Variants in KLHDC1 observed in about 807,000 individuals in gnomAD.
KLHDC1 encodes kelch domain-containing protein 1.
KLHDC1 carries 53 observed loss-of-function variants against 68.3 expected under a neutral mutation model. The observed-to-expected ratio is 0.78, with a 90% CI of 0.62 to 0.98. The LOEUF (loss-of-function observed/expected upper bound fraction) is 0.98. Ranked by LOEUF, KLHDC1 falls within the 50% of genes least tolerant of loss-of-function variation. The pLI is 0.00. For missense variants in KLHDC1, 470 were observed against 492.3 expected (o/e 0.95, Z 0.43); for synonymous variants, 148 against 159.0 (o/e 0.93, Z 0.52).
rs1204287500 is a variant in KLHDC1 at position 49,709,779 on chromosome 14, A to G, written c.238A>G (p.Lys80Glu). The G allele has an allele frequency of 6.2e-7, 1 of 1,604,686 alleles. No individual in the cohort carries two copies. The highest frequency in any genetic ancestry group is 1.7e-5 in the Admixed American group (1 of 58,274). ...SGSCGACING[K>E]LYIFGGYDDK... ...AAGCTGTGGTGCTTGCATTAATGGA[A>G]AGCTGTACATTTTTGGAGGATATGA... The change falls in exon 3 of 13, where the codon AAG (lysine) becomes GAG (glutamate). Residue 80 changes from lysine to glutamate, a missense_variant. Coordinates refer to ENST00000359332, the MANE Select transcript of KLHDC1 (RefSeq NM_172193.3).
intron 1 of KLHDC1, among the ~76,000 whole-genome samples, chr14:49,703,430 C>T (rs1215295440): frequency 3.9e-5 from 6 of 151,972 alleles, no homozygotes; most frequent in African/African-American, 9.7e-5. Flanking sequence ...GCAACCTCCG[C>T]CTCCTGGGTT....
chr14:49,737,700 G>GA (rs767783648), intron 10 of KLHDC1, among the ~76,000 whole-genome samples: 525 of 132,360 alleles, frequency 4.0e-3, no homozygotes, highest in Middle Eastern at 0.011. Flanking sequence ...CCCCATCTCT[G>GA]AAAAAAAAAA....
chr14:49,732,702 A>T lies in KLHDC1; in HGVS notation c.711-2A>T, dbSNP rs1159436006. 6.9e-7 allele frequency: 1 copy of T among 1,446,176 alleles called. No individual in the cohort carries two copies. Among genetic ancestry groups the T allele is most frequent in the East Asian group, 2.3e-5 (1 of 44,078 alleles). 89.6% of individuals were successfully genotyped at this position (1,446,176 alleles called of 1,614,324 possible). The stretch of plus-strand genomic sequence containing the variant: ...TAGACTTTCTTTTTCTCCTTGCCAC[A>T]GGATTACTATTAATGGAGAAAGCCC... On this transcript the variant is annotated splice_acceptor_variant, in intron 8 of 12. Coordinates refer to ENST00000359332, the MANE Select transcript of KLHDC1 (RefSeq NM_172193.3). LOFTEE classifies it high-confidence loss of function.
At position 49,743,759 on chromosome 14, in the gene KLHDC1, T is replaced by C; in HGVS notation, c.988T>C (p.Cys330Arg). 1 of 1,590,430 alleles carries C rather than the reference T, an allele frequency of 6.3e-7. No homozygotes were observed. Among genetic ancestry groups the C allele is most frequent in the Non-Finnish European group, 8.6e-7 (1 of 1,162,184 alleles). The change falls in exon 12 of 13, where the codon TGT becomes CGT. Residue 330 changes from cysteine (C) to arginine (R), a missense_variant. By Grantham distance (180) the Cys-to-Arg change is radical (BLOSUM62 -3). Coordinates refer to ENST00000359332, the MANE Select transcript of KLHDC1 (RefSeq NM_172193.3). ...DDLLALDTGH[C>R]NDLLIFQTQP... ...CCTTTTTTGTGTTGATTAGGGTCAC[T>C]GTAATGATTTATTGATCTTTCAAAC...
At chr14:49,706,595 C>T (rs1218153195) in intron 1 of KLHDC1, among the ~76,000 whole-genome samples, 1 of 152,206 alleles carries the variant, frequency 6.6e-6, no homozygotes, top group Non-Finnish European at 1.5e-5. Context: ...TACATTCCCA[C>T]CAACAGTGTA....
At position 49,735,085 on chromosome 14, in the gene KLHDC1, A is replaced by G. The variant is rs540522326; in HGVS notation, c.896+424A>G. 1.6e-4 allele frequency among the ~76,000 whole-genome samples: 25 copies of G among 152,202 alleles called. No homozygotes were observed. In the South Asian group the frequency reaches 3.5e-3, roughly 21 times the overall value. ...GGAAATTTGCTTCCATGTTGATCCAATGGATGGCAGGTTATTATTAATCTC... is the reference window on the plus strand; with the variant it reads ...GGAAATTTGCTTCCATGTTGATCCAGTGGATGGCAGGTTATTATTAATCTC... On this transcript the variant is annotated intron_variant, in intron 10 of 12. Coordinates refer to ENST00000359332, the MANE Select transcript of KLHDC1 (RefSeq NM_172193.3).
chr14:49,744,928 G>A, intron 12 of KLHDC1, among the ~76,000 whole-genome samples: 1 of 152,142 alleles, frequency 6.6e-6, no homozygotes, highest in Non-Finnish European at 1.5e-5. Context: ...GACTTGTAGT[G>A]TCTTAGTTCA....
At chr14:49,696,942 T>C (rs889009264) in intron 1 of KLHDC1, among the ~76,000 whole-genome samples, 3 of 151,790 alleles carry the variant, frequency 2.0e-5, no homozygotes, top group South Asian at 4.2e-4. Context: ...TACTTTCTTT[T>C]TTTTTTTTTT....
chr14:49,709,682 T>G, intron 2 of KLHDC1, 27 bp from the exon 3 acceptor site: 1 of 1,323,210 alleles, frequency 7.6e-7, no homozygotes, highest in Non-Finnish European at 1.1e-6. Flanking sequence ...TGGAAAGTTA[T>G]GGGATTCCAT....
At chr14:49,695,120 G>GTGTGTGTGTC (rs1486205866) in intron 1 of KLHDC1, among the ~76,000 whole-genome samples, 2 of 148,998 alleles carry the variant, frequency 1.3e-5, no homozygotes, top group Non-Finnish European at 3.0e-5. Context: ...GTTTTGATGT[G>GTGTGTGTGTC]TGTGTGTGTG....
chr14:49,713,948 G>C (rs1387225792), intron 4 of KLHDC1, among the ~76,000 whole-genome samples: 4 of 145,442 alleles, frequency 2.8e-5, no homozygotes, highest in Non-Finnish European at 4.5e-5. Flanking sequence ...CGCTTCCTGG[G>C]TTCAAACAAT....
chr14:49,734,720 T>C (rs1047840304), intron 10 of KLHDC1, 59 bp downstream of exon 10: 2 of 892,754 alleles, frequency 2.2e-6, no homozygotes, highest in Non-Finnish European at 1.7e-6. Context: ...TATTAAAATA[T>C]AGTACTGAAT....
At chr14:49,721,739 C>T (rs951878558) in intron 4 of KLHDC1, among the ~76,000 whole-genome samples, 2 of 152,078 alleles carry the variant, frequency 1.3e-5, no homozygotes, top group African/African-American at 4.8e-5. Context: ...CAGCTGCGTT[C>T]CTACCTCTCA....
At position 49,693,161 on chromosome 14, in the gene KLHDC1, TGGCGCGGCAAGCGGCGGGCCAGCGAC is replaced by T. The variant is rs1314931420; in HGVS notation, c.-27_-2del. On this transcript the variant is annotated 5_prime_UTR_variant, in exon 1 of 13. Transcript: ENST00000359332. ...GAGGCCGCCGGGCGGGCAGGGGTTG[TGGCGCGGCAAGCGGCGGGCCAGCGAC>T]GGCGCGAATGGCGGACTCTCAGCTG... The T allele has an allele frequency of 6.4e-7, 1 of 1,558,618 alleles. No individual in the cohort carries two copies. Among genetic ancestry groups the T allele is most frequent in the Admixed American group, 1.8e-5 (1 of 54,734 alleles).
intron 1 of KLHDC1, among the ~76,000 whole-genome samples, chr14:49,701,654 C>T (rs955402325): frequency 2.7e-5 from 4 of 150,418 alleles, no homozygotes; most frequent in East Asian, 2.0e-4. Context: ...AGCGAAACTC[C>T]GTATCAAAAA....
chr14:49,743,819 A>G lies in KLHDC1; in HGVS notation c.1034+14A>G, dbSNP rs1469652580. On this transcript the variant is annotated intron_variant, in intron 12 of 12. Coordinates refer to ENST00000359332, the MANE Select transcript of KLHDC1 (RefSeq NM_172193.3). ...TTCACTACTCAGGTAAGCAAATTTA[A>G]TATTTTCTATATATTTGCTATGAGT... 2 of 1,403,954 alleles carry G rather than the reference A, an allele frequency of 1.4e-6. No homozygotes were observed. Among genetic ancestry groups the G allele is most frequent in the African/African-American group, 2.9e-5 (2 of 70,030 alleles). The allele number at this position is 1,403,954 out of a possible 1,614,324, so 87.0% of individuals were successfully genotyped here. A position where few individuals can be genotyped will look rare whatever the true frequency, so the allele number is the denominator to read the frequency against.
At chr14:49,700,596 T>C (rs113255832) in intron 1 of KLHDC1, among the ~76,000 whole-genome samples, 20 of 152,044 alleles carry the variant, frequency 1.3e-4, no homozygotes, top group Admixed American at 4.6e-4. Flanking sequence ...GAAACAAATA[T>C]CTGTATACAT....
At chr14:49,711,702 T>C (rs1888205047) in intron 4 of KLHDC1, among the ~76,000 whole-genome samples, 1 of 152,084 alleles carries the variant, frequency 6.6e-6, no homozygotes, top group African/African-American at 2.4e-5. Flanking sequence ...AACTCTGTTA[T>C]TTGAGTTCTT....
intron 1 of KLHDC1, among the ~76,000 whole-genome samples, chr14:49,694,078 T>A (rs1887663210): frequency 6.6e-6 from 1 of 152,138 alleles, no homozygotes; most frequent in African/African-American, 2.4e-5. Context: ...CTAAGCTATT[T>A]TTAGTGGCGT....
Sources: gnomAD v4.1 joint callset for allele counts (sites outside exome capture counted in the v4.1 genomes callset) on GRCh38, gnomAD v4.1.1 for gene constraint, MANE v1.5 for transcripts, NCBI Gene and HGNC (gene_info 2026-07-23, HGNC 2026-07-21) for gene names.